COL11A1: variants seen among roughly 807,000 people sequenced by gnomAD.
COL11A1 encodes the protein collagen type XI alpha 1 chain.
A neutral mutation model predicts 265.2 loss-of-function variants in COL11A1; 74 were observed. That is an observed-to-expected ratio of 0.28 (90% confidence interval 0.23 to 0.34). COL11A1 has a LOEUF of 0.34. Ranked by LOEUF, COL11A1 falls within the 10% of genes least tolerant of loss-of-function variation. The pLI, the probability that COL11A1 is intolerant of heterozygous loss-of-function variation, is 1.00. For missense variants in COL11A1, 2,165 were observed against 2,263.6 expected (o/e 0.96, Z 0.88); for synonymous variants, 816 against 727.6 (o/e 1.12, Z -1.96).
chr1:102,995,886 A>G lies in COL11A1; in HGVS notation c.2318T>C (p.Leu773Pro). 1 of 1,611,246 alleles carries G rather than the reference A, an allele frequency of 6.2e-7. No homozygotes were observed. Among genetic ancestry groups the G allele is most frequent in the Non-Finnish European group, 8.5e-7 (1 of 1,178,596 alleles). The change falls in exon 28 of 67, where the codon CTC (leucine) becomes CCC (proline). Residue 773 changes from leucine (L) to proline (P), a missense_variant. Leu to Pro is a moderately conservative substitution (Grantham distance 98, BLOSUM62 -3). Coordinates refer to ENST00000370096, the MANE Select transcript of COL11A1 (RefSeq NM_001854.4). ...GVKGADGVRG[L>P]KGSKGEKGED... ...TACCTTTTCACCTTTAGATCCCTTG[A>G]GACCTCTGACACCATCTGCTCCCTG...
intron 54 of COL11A1, among the ~76,000 whole-genome samples, chr1:102,905,262 T>C (rs1467785960): frequency 4.1e-5 from 6 of 145,826 alleles, no homozygotes; most frequent in South Asian, 2.3e-4. Context: ...TTAGGAGATA[T>C]ACCTAATGCT....
At chr1:103,044,016 G>A (rs888305065) in intron 4 of COL11A1, among the ~76,000 whole-genome samples, 2 of 152,096 alleles carry the variant, frequency 1.3e-5, no homozygotes, top group Admixed American at 1.3e-4. Context: ...TCTTGGCAGA[G>A]TTTTTGATTG....
At chr1:102,950,994 C>T (rs1475761341) in intron 41 of COL11A1, among the ~76,000 whole-genome samples, 1 of 152,116 alleles carries the variant, frequency 6.6e-6, no homozygotes, top group Non-Finnish European at 1.5e-5. Context: ...TGCCTTGCTT[C>T]CCCTTTGCCT....
chr1:103,022,246 A>G (rs1247298727), intron 8 of COL11A1, among the ~76,000 whole-genome samples: 1 of 152,052 alleles, frequency 6.6e-6, no homozygotes, highest in Non-Finnish European at 1.5e-5. Context: ...GACCTATTGA[A>G]GGCTTAAATA....
intron 37 of COL11A1, 100 bp from the exon 38 acceptor site, chr1:102,965,640 C>A: frequency 1.2e-6 from 1 of 848,254 alleles, no homozygotes; most frequent in East Asian, 2.5e-5. Flanking sequence ...AAGAAAGTCA[C>A]CTATTGACTA....
At chr1:103,078,125 G>A (rs1004795290) in intron 3 of COL11A1, among the ~76,000 whole-genome samples, 3 of 152,008 alleles carry the variant, frequency 2.0e-5, no homozygotes, top group African/African-American at 4.8e-5. Flanking sequence ...AATCCAAAGT[G>A]CTTACGACCT....
intron 55 of COL11A1, 82 bp downstream of exon 55, chr1:102,898,859 G>T: frequency 7.6e-7 from 1 of 1,317,014 alleles, no homozygotes; most frequent in Non-Finnish European, 1.1e-6. Flanking sequence ...AAGTAGATCA[G>T]TTTATGCATG....
At chr1:102,931,026 A>T (rs1657360575) in intron 46 of COL11A1, among the ~76,000 whole-genome samples, 1 of 146,454 alleles carries the variant, frequency 6.8e-6, no homozygotes, top group Admixed American at 6.9e-5. Flanking sequence ...AATTTTGTTG[A>T]TCCTTTCAAA....
At position 103,015,668 on chromosome 1, in the gene COL11A1, C is replaced by G. The variant is rs772310071; in HGVS notation, c.1488G>C (p.Pro496=). Residue 496 remains proline, a splice_region_variant and synonymous_variant, in exon 12 of 67, where the codon CCG becomes CCC. Transcript: ENST00000370096. The part of the protein sequence containing the change: ...PGPPGTMLML[P]FRYGGDGSKG... ...CTCTATAACATAAAAAAGAACATACCGGTAACATCAACATAGTACCAGGAG... is the reference window on the plus strand; with the variant it reads ...CTCTATAACATAAAAAAGAACATACGGGTAACATCAACATAGTACCAGGAG... 1 of 1,601,790 alleles carries G rather than the reference C, an allele frequency of 6.2e-7. No individual in the cohort carries two copies. The highest frequency in any genetic ancestry group is 1.1e-5 in the South Asian group (1 of 89,812).
At chr1:103,052,145 TGTC>T (rs946758335) in intron 4 of COL11A1, among the ~76,000 whole-genome samples, 3 of 91,612 alleles carry the variant, frequency 3.3e-5, no homozygotes, top group African/African-American at 8.3e-5. Flanking sequence ...GCTATGGCCT[TGTC>T]TCTACTCTAA....
chr1:103,065,522 CAAAAAAAAAAAAAAAA>C (rs138446065), intron 4 of COL11A1, among the ~76,000 whole-genome samples: 1 of 35,350 alleles, frequency 2.8e-5, no homozygotes, highest in Non-Finnish European at 4.5e-5. Flanking sequence ...GACTCCGTCT[CAAAAAAAAAAAAAAAA>C]AAAAAAAAAG....
intron 1 of COL11A1, among the ~76,000 whole-genome samples, chr1:103,094,847 G>T (rs1217293775): frequency 6.6e-6 from 1 of 151,980 alleles, no homozygotes; most frequent in Non-Finnish European, 1.5e-5. Context: ...GGAGCCAAAA[G>T]TTATACATGG....
At chr1:103,038,173 G>C (rs1668521444) in intron 4 of COL11A1, among the ~76,000 whole-genome samples, 1 of 152,170 alleles carries the variant, frequency 6.6e-6, no homozygotes, top group African/African-American at 2.4e-5. Context: ...GACGAATTCA[G>C]AGACGTAGGT....
chr1:103,037,257 T>C (rs1275655669), intron 4 of COL11A1, among the ~76,000 whole-genome samples: 1 of 59,588 alleles, frequency 1.7e-5, no homozygotes, highest in Admixed American at 1.4e-4. Context: ...TTAGATTGTG[T>C]GTGTGTGTGT....
intron 20 of COL11A1, among the ~76,000 whole-genome samples, chr1:103,003,696 C>T (rs1022889736): frequency 3.9e-5 from 6 of 152,106 alleles, no homozygotes; most frequent in African/African-American, 1.4e-4. Flanking sequence ...AGACAGCATT[C>T]ACTGAGGAAA....
Position 102,888,564 on chromosome 1 carries a change from A to C in COL11A1, c.4608+13T>G, listed in dbSNP as rs201561225. 4.0e-5 allele frequency: 65 copies of C among 1,609,948 alleles called. No individual in the cohort carries two copies. In the African/African-American group the frequency reaches 8.3e-4, roughly 20 times the overall value. ...AAACTGTCAGAACATCACTCTTGTTAACATATACTTACTGGAGACCCAGGA... is the reference window on the plus strand; with the variant it reads ...AAACTGTCAGAACATCACTCTTGTTCACATATACTTACTGGAGACCCAGGA... On this transcript the variant is annotated intron_variant, in intron 62 of 66. Transcript: ENST00000370096.
At chr1:103,105,475 C>G (rs1368691303) in intron 1 of COL11A1, among the ~76,000 whole-genome samples, 1 of 152,010 alleles carries the variant, frequency 6.6e-6, no homozygotes, top group Non-Finnish European at 1.5e-5. Flanking sequence ...TTAATCCATT[C>G]ACTTCCAAGA....
chr1:103,080,819 A>G (rs1032448677), intron 2 of COL11A1, among the ~76,000 whole-genome samples: 5 of 152,058 alleles, frequency 3.3e-5, no homozygotes, highest in Non-Finnish European at 4.4e-5. Context: ...CATACAAAGG[A>G]AATGCAATCA....
chr1:102,963,643 A>G (rs1661127086), intron 38 of COL11A1, among the ~76,000 whole-genome samples: 1 of 152,200 alleles, frequency 6.6e-6, no homozygotes, highest in Non-Finnish European at 1.5e-5. Context: ...AAAATGCAAC[A>G]TAGTCTTAAC....
Sources: allele counts gnomAD v4.1 joint callset (sites outside exome capture counted in the v4.1 genomes callset), GRCh38; gene constraint gnomAD v4.1.1; transcripts MANE v1.5; gene names NCBI Gene and HGNC (gene_info 2026-07-23, HGNC 2026-07-21).